Variants in NRXN1 observed in about 807,000 individuals in gnomAD.
NRXN1 encodes the protein neurexin-1.
A neutral mutation model predicts 150.9 loss-of-function variants in NRXN1; 39 were observed. The observed-to-expected ratio is 0.26, with a 90% confidence interval of 0.20 to 0.34. NRXN1 has a LOEUF of 0.34. Among genes scored for constraint, NRXN1 ranks in the 10% least tolerant of loss-of-function variants. The pLI, the probability that NRXN1 is intolerant of heterozygous loss-of-function variation, is 1.00. For missense variants in NRXN1, 1,815 were observed against 1,949.9 expected (o/e 0.93, Z 1.30); for synonymous variants, 924 against 757.0 (o/e 1.22, Z -3.62).
intron 17 of NRXN1, among the ~76,000 whole-genome samples, chr2:50,446,130 GA>G (rs953806857): frequency 1.9e-4 from 27 of 145,070 alleles, no homozygotes; most frequent in East Asian, 1.4e-3. Context: ...GGAAAAAAAA[GA>G]AAAAAAAAAG....
In NRXN1 at chr2:50,661,348, C is replaced by T. The variant is rs796573861; in HGVS notation, c.833-37733G>A. Among the ~76,000 whole-genome samples the T allele has an allele frequency of 3.3e-5, 5 of 152,160 alleles. 1 individual carries two copies. Among genetic ancestry groups the T allele is most frequent in the African/African-American group, 1.2e-4 (5 of 41,546 alleles). ...GACGTGCATTTTTTTGTGGAGATTG[C>T]TTCCTCACCTGAGCCTCAGTTTAAC... On this transcript the variant is annotated intron_variant, in intron 5 of 22. Transcript: ENST00000401669.
chr2:50,887,658 T>A (rs1360527431), intron 5 of NRXN1, among the ~76,000 whole-genome samples: 3 of 151,472 alleles, frequency 2.0e-5, no homozygotes, highest in African/African-American at 7.3e-5. Flanking sequence ...ATCACATCCT[T>A]GAGCTTGCCA....
At chr2:50,812,076 T>TG (rs1357683863) in intron 5 of NRXN1, among the ~76,000 whole-genome samples, 1 of 151,658 alleles carries the variant, frequency 6.6e-6, no homozygotes, top group African/African-American at 2.4e-5. Context: ...AGAAACCAGA[T>TG]GAAAAAAAAA....
intron 5 of NRXN1, among the ~76,000 whole-genome samples, chr2:50,758,710 T>A (rs1240506656): frequency 1.3e-5 from 2 of 151,918 alleles, no homozygotes; most frequent in Non-Finnish European, 2.9e-5. Flanking sequence ...TAACATGGTC[T>A]CTTTTCCTTT....
At position 51,028,487 on chromosome 2, in the gene NRXN1, A is replaced by G. The variant is rs1670991411; in HGVS notation, c.-214T>C. On this transcript the variant is annotated 5_prime_UTR_variant, in exon 2 of 23. Transcript: ENST00000401669. ...CCCTGTAGTCCTCTTCCAACTGGAA[A>G]ACGTTGACCCCAGTGGTACAGGGTA... The G allele has an allele frequency of 2.4e-6, 1 of 423,900 alleles. No homozygotes were observed. Among genetic ancestry groups the G allele is most frequent in the Admixed American group, 3.9e-5 (1 of 25,808 alleles). The allele number at this position is 423,900 out of a possible 1,614,324, so 26.3% of individuals were successfully genotyped here. A position where few individuals can be genotyped will look rare whatever the true frequency, so the allele number is the denominator to read the frequency against.
intron 21 of NRXN1, among the ~76,000 whole-genome samples, chr2:49,961,174 C>T (rs1675872092): frequency 6.6e-6 from 1 of 151,976 alleles, no homozygotes; most frequent in Admixed American, 6.6e-5. Context: ...AAAAACATGG[C>T]CACAGGAGAC....
chr2:50,458,278 G>T (rs2104587226), intron 17 of NRXN1, among the ~76,000 whole-genome samples: 1 of 152,194 alleles, frequency 6.6e-6, no homozygotes, highest in East Asian at 1.9e-4. Flanking sequence ...GTAACCAGAG[G>T]CCATAAAGGG....
intron 17 of NRXN1, among the ~76,000 whole-genome samples, chr2:50,280,006 G>A (rs1245175758): frequency 6.6e-6 from 1 of 152,080 alleles, no homozygotes; most frequent in Non-Finnish European, 1.5e-5. Context: ...TTGCATAACA[G>A]ATATATTAAC....
At chr2:50,922,838 C>T (rs1180268369) in intron 3 of NRXN1, 151 bp from the exon 4 acceptor site, 3 of 862,570 alleles carry the variant, frequency 3.5e-6, no homozygotes, top group Non-Finnish European at 5.8e-6. Context: ...ATTCTTTCAA[C>T]CCCTGGTTGG....
intron 5 of NRXN1, among the ~76,000 whole-genome samples, chr2:50,625,124 G>A (rs892958797): frequency 1.1e-4 from 17 of 151,750 alleles, no homozygotes; most frequent in African/African-American, 4.1e-4. Context: ...AGCAGGTGTT[G>A]CATTCTCCCC....
intron 21 of NRXN1, among the ~76,000 whole-genome samples, chr2:49,961,678 T>C (rs1675984055): frequency 4.6e-5 from 7 of 152,226 alleles, no homozygotes; most frequent in Admixed American, 4.6e-4. Context: ...TATAGGTCTT[T>C]ACATCTCTAA....
intron 5 of NRXN1, among the ~76,000 whole-genome samples, chr2:50,855,658 A>G (rs2105999862): frequency 6.6e-6 from 1 of 152,204 alleles, no homozygotes; most frequent in East Asian, 1.9e-4. Flanking sequence ...AATTAGGAAA[A>G]GAACTTCTTG....
intron 5 of NRXN1, among the ~76,000 whole-genome samples, chr2:50,781,478 A>G (rs1444425475): frequency 6.6e-6 from 1 of 152,182 alleles, no homozygotes; most frequent in Admixed American, 6.5e-5. Context: ...GTAGAAGAGA[A>G]TAAAAGATTT....
intron 18 of NRXN1, among the ~76,000 whole-genome samples, chr2:50,126,349 C>G (rs901958213): frequency 6.6e-6 from 1 of 151,938 alleles, no homozygotes; most frequent in African/African-American, 2.4e-5. Flanking sequence ...AACAGGCACT[C>G]TGTTTAAGTC....
chr2:50,100,635 A>T (rs1700857815), intron 18 of NRXN1, among the ~76,000 whole-genome samples: 1 of 152,056 alleles, frequency 6.6e-6, no homozygotes, highest in Admixed American at 6.6e-5. Context: ...ACATATCATC[A>T]AGCCTTTTCG....
At chr2:50,434,988 T>C (rs1364653766) in intron 17 of NRXN1, among the ~76,000 whole-genome samples, 1 of 152,206 alleles carries the variant, frequency 6.6e-6, no homozygotes, top group Non-Finnish European at 1.5e-5. Context: ...ATACACCAAA[T>C]TGCACTTTAG....
intron 19 of NRXN1, among the ~76,000 whole-genome samples, chr2:50,070,014 C>T (rs1430229353): frequency 6.6e-6 from 1 of 151,932 alleles, no homozygotes; most frequent in Non-Finnish European, 1.5e-5. Context: ...CCACACCCAC[C>T]TAATTTTTTG....
At chr2:50,898,974 C>T (rs1468307215) in intron 5 of NRXN1, among the ~76,000 whole-genome samples, 2 of 151,590 alleles carry the variant, frequency 1.3e-5, no homozygotes, top group Non-Finnish European at 2.9e-5. Context: ...ATATAGATGA[C>T]TCAAAGAAAT....
At chr2:50,585,919 T>A (rs1312428444) in intron 8 of NRXN1, among the ~76,000 whole-genome samples, 2 of 152,184 alleles carry the variant, frequency 1.3e-5, no homozygotes, top group Admixed American at 6.5e-5. Flanking sequence ...TTTGGTCACA[T>A]CTACTCAGGC....
Sources: allele counts gnomAD v4.1 joint callset (sites outside exome capture counted in the v4.1 genomes callset), GRCh38; gene constraint gnomAD v4.1.1; transcripts MANE v1.5; gene names NCBI Gene and HGNC (gene_info 2026-07-23, HGNC 2026-07-21).